The following PCDHA7 variants were observed in gnomAD, a reference collection of about 807,000 sequenced individuals.
PCDHA7 encodes the protein protocadherin alpha-7.
A neutral mutation model predicts 57.2 loss-of-function variants in PCDHA7; 37 were observed. The observed-to-expected ratio is 0.65, with a 90% CI of 0.50 to 0.85. The LOEUF is 0.85. Among genes scored for constraint, PCDHA7 ranks in the 40% least tolerant of loss-of-function variants. PCDHA7 has a pLI of 0.00. For synonymous variants in PCDHA7, 553 were observed against 558.8 expected, an observed-to-expected ratio of 0.99 and a Z score of 0.15; for missense variants, 1,188 against 1,241.8, an observed-to-expected ratio of 0.96 and a Z score of 0.65.
intron 1 of PCDHA7, chr5:140,877,042 G>C: frequency 6.2e-7 from 1 of 1,612,636 alleles, no homozygotes; most frequent in Non-Finnish European, 8.5e-7. Context: ...GCAGCCGCTA[G>C]ACCACGAGGA....
At chr5:140,843,880 A>G in intron 1 of PCDHA7, 1 of 739,104 alleles carries the variant, frequency 1.4e-6, no homozygotes, top group Admixed American at 3.0e-5. Flanking sequence ...CAGTGGCATA[A>G]TACAGTATTA....
intron 1 of PCDHA7, among the ~76,000 whole-genome samples, chr5:140,915,722 A>G (rs559518429): frequency 1.3e-5 from 2 of 151,088 alleles, no homozygotes; most frequent in South Asian, 4.2e-4. Flanking sequence ...CCCACTTTGG[A>G]TTGTGCTGGG....
intron 1 of PCDHA7, among the ~76,000 whole-genome samples, chr5:140,874,511 C>G (rs1376439369): frequency 4.6e-5 from 7 of 152,212 alleles, no homozygotes; most frequent in Admixed American, 3.9e-4. Flanking sequence ...ATTCTCTTGA[C>G]TTTAGTCAAT....
chr5:140,858,341 G>A, intron 1 of PCDHA7: 1 of 1,595,396 alleles, frequency 6.3e-7, no homozygotes, highest in Non-Finnish European at 8.6e-7. Context: ...CCTGCCCAAG[G>A]CGGACCTCAT....
At chr5:140,945,761 G>T (rs2093839627) in intron 1 of PCDHA7, among the ~76,000 whole-genome samples, 1 of 152,118 alleles carries the variant, frequency 6.6e-6, no homozygotes, top group East Asian at 1.9e-4. Flanking sequence ...AATGGTGGTG[G>T]GACAATTTGA....
At position 140,993,463 on chromosome 5, in the gene PCDHA7, CA is replaced by C. The variant is rs1563591979; in HGVS notation, c.2503+10901del. ...ATTCCTGTTCTCCTTCTTTCTTTCTCACACACACACACACACACACACACAC... is the reference window on the plus strand; with the variant it reads ...ATTCCTGTTCTCCTTCTTTCTTTCTCCACACACACACACACACACACACAC... On this transcript the variant is annotated intron_variant, in intron 3 of 3. Coordinates refer to ENST00000525929, the MANE Select transcript of PCDHA7 (RefSeq NM_018910.3). Among the ~76,000 whole-genome samples the C allele has an allele frequency of 9.6e-3, 73 of 7,582 alleles. 1 individual carries two copies. The highest frequency in any genetic ancestry group is 0.047 in the African/African-American group (71 of 1,514). 5.0% of individuals were successfully genotyped at this position (7,582 alleles called of 152,430 possible).
intron 1 of PCDHA7, chr5:140,841,825 A>C: frequency 6.2e-7 from 1 of 1,613,926 alleles, no homozygotes; most frequent in Non-Finnish European, 8.5e-7. Context: ...ACTCCGTGTT[A>C]ACCTACAGGC....
chr5:140,858,128 G>A (rs782090771), intron 1 of PCDHA7: 11 of 1,597,872 alleles, frequency 6.9e-6, no homozygotes, highest in Non-Finnish European at 9.4e-6. Context: ...CCTGGTGGAT[G>A]TCAACGTGTA....
intron 1 of PCDHA7, chr5:140,853,312 G>A (rs931070085): frequency 1.0e-6 from 1 of 983,988 alleles, no homozygotes; most frequent in Non-Finnish European, 1.2e-6. Context: ...GAACACCTTA[G>A]TAATAAATTT....
intron 3 of PCDHA7, among the ~76,000 whole-genome samples, chr5:140,988,079 G>A (rs1431334458): frequency 6.6e-6 from 1 of 152,188 alleles, no homozygotes; most frequent in Non-Finnish European, 1.5e-5. Flanking sequence ...TATTTCATGA[G>A]TGAGTGCAGC....
At chr5:140,874,427 A>T (rs2054903457) in intron 1 of PCDHA7, among the ~76,000 whole-genome samples, 1 of 152,212 alleles carries the variant, frequency 6.6e-6, no homozygotes, top group African/African-American at 2.4e-5. Context: ...TTCTGAAGAG[A>T]AGCATGTCCT....
chr5:140,960,913 T>C (rs184385777), intron 1 of PCDHA7, among the ~76,000 whole-genome samples: 10 of 152,320 alleles, frequency 6.6e-5, no homozygotes, highest in Admixed American at 2.6e-4. Flanking sequence ...GAGTTTCAGA[T>C]AGAAAATTGG....
intron 1 of PCDHA7, among the ~76,000 whole-genome samples, chr5:140,960,011 A>G (rs578052753): frequency 1.2e-4 from 18 of 152,350 alleles, no homozygotes; most frequent in Admixed American, 1.0e-3. Flanking sequence ...TCTATTTTGC[A>G]TCATGATTTT....
intron 1 of PCDHA7, chr5:140,871,155 C>A (rs782509939): frequency 3.0e-5 from 48 of 1,613,366 alleles, no homozygotes; most frequent in Non-Finnish European, 3.9e-5. Context: ...CTTTGGCGGG[C>A]GCCGCGAGCC....
intron 1 of PCDHA7, chr5:140,864,826 T>C (rs1297675845): frequency 6.6e-6 from 1 of 152,188 alleles, no homozygotes; most frequent in African/African-American, 2.4e-5. Flanking sequence ...ATTTGGGCTT[T>C]AAGTATAAGA....
intron 1 of PCDHA7, chr5:140,866,875 A>C (rs2049624381): frequency 6.6e-6 from 1 of 152,142 alleles, no homozygotes; most frequent in Admixed American, 6.5e-5. Flanking sequence ...ACTTCTTGGT[A>C]TTAGCCTATA....
At chr5:140,842,728 G>T in intron 1 of PCDHA7, 2 of 1,595,050 alleles carry the variant, frequency 1.3e-6, no homozygotes, top group Non-Finnish European at 1.7e-6. Context: ...AGAACAACCC[G>T]CCGGGCTGCC....
chr5:140,883,639 G>A (rs2059720248), intron 1 of PCDHA7: 1 of 1,614,016 alleles, frequency 6.2e-7, no homozygotes, highest in Non-Finnish European at 8.5e-7. Context: ...CGTTCGCGCA[G>A]CCCGAGTACA....
intron 1 of PCDHA7, chr5:140,928,682 C>T (rs782513735): frequency 6.2e-7 from 1 of 1,614,174 alleles, no homozygotes; most frequent in Non-Finnish European, 8.5e-7. Flanking sequence ...GCCTGGCTTT[C>T]CTACCACATC....
Sources: gnomAD v4.1 joint callset for allele counts (sites outside exome capture counted in the v4.1 genomes callset) on GRCh38, gnomAD v4.1.1 for gene constraint, MANE v1.5 for transcripts, NCBI Gene and HGNC (gene_info 2026-07-23, HGNC 2026-07-21) for gene names.